The following RAB27B variants were observed in gnomAD, a reference collection of about 807,000 sequenced individuals.
RAB27B encodes the protein RAB27B, member RAS oncogene family, also known as ras-related protein Rab-27B.
Under a neutral mutation model 24.6 loss-of-function variants are expected in RAB27B, and 15 were observed. The ratio of observed to expected loss-of-function variants is 0.61; its 90% CI spans 0.41 to 0.94. The LOEUF (loss-of-function observed/expected upper bound fraction) is 0.94. Among genes scored for constraint, RAB27B ranks in the 40% least tolerant of loss-of-function variants. RAB27B has a pLI of 0.00. For missense variants in RAB27B, 261 were observed against 266.8 expected (o/e 0.98, Z 0.15); for synonymous variants, 105 against 92.5 (o/e 1.14, Z -0.78).
chr18:54,807,446 T>G (rs1451690420), intron 2 of RAB27B, among the ~76,000 whole-genome samples: 1 of 152,166 alleles, frequency 6.6e-6, no homozygotes, highest in Non-Finnish European at 1.5e-5. Flanking sequence ...ACCTTCTTGT[T>G]TTAAGGACAT....
At chr18:54,864,548 G>T (rs1177264838) in intron 1 of RAB27B, among the ~76,000 whole-genome samples, 1 of 151,442 alleles carries the variant, frequency 6.6e-6, no homozygotes, top group Non-Finnish European at 1.5e-5. Context: ...CCAGAGTTAT[G>T]AAGACTTACT....
At chr18:54,852,322 C>T (rs1452999932) in intron 1 of RAB27B, among the ~76,000 whole-genome samples, 4 of 152,108 alleles carry the variant, frequency 2.6e-5, no homozygotes, top group Admixed American at 6.6e-5. Flanking sequence ...TTGTTCAAGC[C>T]ACATAGCTAA....
At chr18:54,833,967 AACTT>A (rs1910794950) in intron 1 of RAB27B, among the ~76,000 whole-genome samples, 1 of 152,172 alleles carries the variant, frequency 6.6e-6, no homozygotes, top group Non-Finnish European at 1.5e-5. Flanking sequence ...AGCAACCTAA[AACTT>A]ACTTGTCAGA....
intron 1 of RAB27B, among the ~76,000 whole-genome samples, chr18:54,866,938 T>G (rs1912254235): frequency 6.6e-6 from 1 of 152,012 alleles, no homozygotes; most frequent in Admixed American, 6.6e-5. Flanking sequence ...GATGAGTCAG[T>G]GAAACAGTCC....
intron 2 of RAB27B, among the ~76,000 whole-genome samples, chr18:54,750,398 G>C (rs1169648037): frequency 6.6e-6 from 1 of 152,158 alleles, no homozygotes; most frequent in African/African-American, 2.4e-5. Context: ...CTGAACAACT[G>C]TATAGAAATT....
chr18:54,796,121 CA>C (rs1392765481), intron 2 of RAB27B, among the ~76,000 whole-genome samples: 2 of 152,242 alleles, frequency 1.3e-5, no homozygotes, highest in African/African-American at 4.8e-5. Flanking sequence ...AGATGTGTGA[CA>C]GGGGTGGCTC....
chr18:54,829,211 C>T (rs1234233023), intron 1 of RAB27B, among the ~76,000 whole-genome samples: 1 of 152,156 alleles, frequency 6.6e-6, no homozygotes, highest in Non-Finnish European at 1.5e-5. Context: ...TGCTCTGTTA[C>T]TTTCGAATTC....
At chr18:54,810,342 A>G (rs756125301) in intron 2 of RAB27B, among the ~76,000 whole-genome samples, 6 of 152,174 alleles carry the variant, frequency 3.9e-5, no homozygotes, top group Non-Finnish European at 8.8e-5. Context: ...TTTATCAGAA[A>G]TTTCTACCAA....
At chr18:54,865,237 T>TG (rs1912166481) in intron 1 of RAB27B, among the ~76,000 whole-genome samples, 1 of 143,392 alleles carries the variant, frequency 7.0e-6, no homozygotes, top group Non-Finnish European at 1.5e-5. Context: ...CAATGGCCTT[T>TG]TGTGTGTGTG....
chr18:54,826,098 AT>A (rs1453191249), upstream of RAB27B, among the ~76,000 whole-genome samples: 1 of 152,256 alleles, frequency 6.6e-6, no homozygotes, highest in Non-Finnish European at 1.5e-5. Flanking sequence ...ATTTAAAAAA[AT>A]TCATTTATTC....
rs753109804 is a variant in RAB27B at position 54,724,145 on chromosome 18, G to A, written c.-20+6004G>A. 1.5e-3 allele frequency among the ~76,000 whole-genome samples: 223 copies of A among 151,480 alleles called. 10 individuals carry two copies. The highest frequency in any genetic ancestry group is 2.2e-3 in the Admixed American group (34 of 15,178). On this transcript the variant is annotated intron_variant, in intron 2 of 4. Transcript: ENST00000586570. Reference sequence around the variant, plus strand: ...ATCAAAAGTTGGATGTCAAAATAAAGGTAAAACTGGCTGAGTCTCACAAAA... The same window carrying A: ...ATCAAAAGTTGGATGTCAAAATAAAAGTAAAACTGGCTGAGTCTCACAAAA...
intron 4 of RAB27B, 52 bp from the exon 5 acceptor site, chr18:54,887,943 G>T: frequency 6.3e-7 from 1 of 1,582,102 alleles, no homozygotes; most frequent in South Asian, 1.2e-5. Context: ...GCAGTCATTT[G>T]ACATCACTTA....
chr18:54,731,541 A>G (rs1909732671), intron 2 of RAB27B, among the ~76,000 whole-genome samples: 1 of 152,086 alleles, frequency 6.6e-6, no homozygotes, highest in Admixed American at 6.6e-5. Context: ...ACCAATGTGA[A>G]GAAACCCTAT....
upstream of RAB27B, among the ~76,000 whole-genome samples, chr18:54,824,111 A>G (rs1232525908): frequency 6.6e-6 from 1 of 152,220 alleles, no homozygotes; most frequent in African/African-American, 2.4e-5. Context: ...ATACACAGAT[A>G]GTCTTTCCCT....
At chr18:54,748,250 A>G (rs1030136203) in intron 2 of RAB27B, among the ~76,000 whole-genome samples, 2 of 152,192 alleles carry the variant, frequency 1.3e-5, no homozygotes, top group African/African-American at 4.8e-5. Flanking sequence ...TGTGATAAAG[A>G]TATAAGCACT....
At chr18:54,734,646 T>C (rs1337763764) in intron 2 of RAB27B, among the ~76,000 whole-genome samples, 1 of 152,220 alleles carries the variant, frequency 6.6e-6, no homozygotes, top group Admixed American at 6.5e-5. Context: ...ATTTCTGATA[T>C]ATTTATATGA....
At chr18:54,721,060 A>T (rs2144971004) in intron 2 of RAB27B, among the ~76,000 whole-genome samples, 1 of 152,252 alleles carries the variant, frequency 6.6e-6, no homozygotes, top group Non-Finnish European at 1.5e-5. Context: ...AGGGAAAGTT[A>T]TTATCCATCA....
intron 1 of RAB27B, among the ~76,000 whole-genome samples, chr18:54,872,560 G>A (rs1003670426): frequency 5.3e-5 from 8 of 151,648 alleles, no homozygotes; most frequent in African/African-American, 1.9e-4. Flanking sequence ...GGGAGGTGGA[G>A]GTTGCGGTGA....
At chr18:54,870,772 T>C (rs2145257161) in intron 1 of RAB27B, among the ~76,000 whole-genome samples, 1 of 152,324 alleles carries the variant, frequency 6.6e-6, no homozygotes, top group East Asian at 1.9e-4. Context: ...CCAACTGTGG[T>C]AAGGTTGAGA....
Sources: gnomAD v4.1 joint callset for allele counts (sites outside exome capture counted in the v4.1 genomes callset) on GRCh38, gnomAD v4.1.1 for gene constraint, MANE v1.5 for transcripts, NCBI Gene and HGNC (gene_info 2026-07-23, HGNC 2026-07-21) for gene names.